The following PCDHGB7 variants were observed in gnomAD, a reference collection of about 807,000 sequenced individuals.
The protein encoded by PCDHGB7 is protocadherin gamma-B7.
A neutral mutation model predicts 61.4 loss-of-function variants in PCDHGB7; 37 were observed. The observed-to-expected ratio is 0.60, with a 90% CI of 0.46 to 0.79. The LOEUF (loss-of-function observed/expected upper bound fraction) is 0.79, where lower values mean the gene tolerates loss of function less well. Ranked by LOEUF, PCDHGB7 falls within the 30% of genes least tolerant of loss-of-function variation. The pLI, the probability that PCDHGB7 is intolerant of heterozygous loss-of-function variation, is 0.00. For synonymous variants in PCDHGB7, 464 were observed against 503.5 expected, an observed-to-expected ratio of 0.92 and a Z score of 1.05; for missense variants, 1,166 against 1,202.5, an observed-to-expected ratio of 0.97 and a Z score of 0.45.
chr5:141,484,242 A>G (rs995022030), intron 1 of PCDHGB7, among the ~76,000 whole-genome samples: 1 of 152,216 alleles, frequency 6.6e-6, no homozygotes, highest in African/African-American at 2.4e-5. Flanking sequence ...TCTGGTCCTT[A>G]GCACCTCCCA....
Position 141,491,652 on chromosome 5 carries a change from G to T in PCDHGB7, c.2416-3155G>T. ...AGCAGCCCACAGCTCTGGCGCTGGA[G>T]CCTGACGCCATCCGGTCCCGCTCTA... On this transcript the variant is annotated intron_variant, in intron 1 of 3. Transcript: ENST00000398594. The surrounding 1 kb of genome is among the most constrained non-coding windows in gnomAD (Gnocchi z 6.9). The T allele has an allele frequency of 6.2e-7, 1 of 1,613,844 alleles. No homozygotes were observed.
At position 141,485,035 on chromosome 5, in the gene PCDHGB7, AC is replaced by A; in HGVS notation, c.2416-9769del. ...CCGCCACCAGCAAAAACGGCGCGTA[AC>A]CCTTGCGGCGCCGGCCGAACCGCGC... On this transcript the variant is annotated intron_variant, in intron 1 of 3. Coordinates refer to ENST00000398594, the MANE Select transcript of PCDHGB7 (RefSeq NM_018927.4). The surrounding 1 kb of genome is among the most constrained non-coding windows in gnomAD (Gnocchi z 5.7). 1.4e-6 allele frequency: 1 copy of A among 694,388 alleles called. No homozygotes were observed. Among genetic ancestry groups the A allele is most frequent in the East Asian group, 2.6e-5 (1 of 38,852 alleles). The allele number at this position is 694,388 out of a possible 1,614,324, so 43.0% of individuals were successfully genotyped here.
chr5:141,465,893 C>T (rs926928579), intron 1 of PCDHGB7, among the ~76,000 whole-genome samples: 23 of 152,078 alleles, frequency 1.5e-4, no homozygotes, highest in Middle Eastern at 3.4e-3. Context: ...GAGGCCGAGG[C>T]GGGCAAATCA....
intron 1 of PCDHGB7, among the ~76,000 whole-genome samples, chr5:141,456,101 G>A (rs1231843666): frequency 6.6e-6 from 1 of 151,970 alleles, no homozygotes; most frequent in African/African-American, 2.4e-5. Context: ...ATTTCACCGT[G>A]TTAGCCAGGA....
At chr5:141,433,391 CTA>C (rs1477426085) in intron 1 of PCDHGB7, among the ~76,000 whole-genome samples, 3 of 151,570 alleles carry the variant, frequency 2.0e-5, no homozygotes, top group African/African-American at 7.3e-5. Context: ...ATCTATCTAT[CTA>C]TCTATCTATC....
chr5:141,506,447 A>G (rs1405495926), intron 3 of PCDHGB7, among the ~76,000 whole-genome samples: 3 of 146,906 alleles, frequency 2.0e-5, no homozygotes, highest in Non-Finnish European at 3.0e-5. Flanking sequence ...TCTGTCTCAA[A>G]AAAAAAAAAA....
chr5:141,470,986 G>T (rs1215610104), intron 1 of PCDHGB7, among the ~76,000 whole-genome samples: 1 of 151,540 alleles, frequency 6.6e-6, no homozygotes, highest in Non-Finnish European at 1.5e-5. Flanking sequence ...CAAAGTGCTG[G>T]GACTACAGGC....
chr5:141,455,494 T>C (rs1223531150), intron 1 of PCDHGB7, among the ~76,000 whole-genome samples: 2 of 152,214 alleles, frequency 1.3e-5, no homozygotes, highest in African/African-American at 4.8e-5. Context: ...AGGTGATGTC[T>C]GATTTGCATA....
chr5:141,494,778 CA>C (rs1228639033), intron 1 of PCDHGB7, 28 bp from the exon 2 acceptor site: 1 of 1,614,086 alleles, frequency 6.2e-7, no homozygotes, highest in Admixed American at 1.7e-5. Flanking sequence ...CACGGGTACT[CA>C]GCCCCTTTCC....
Position 141,489,629 on chromosome 5 carries a change from C to G in PCDHGB7, c.2416-5178C>G. 6.2e-7 allele frequency: 1 copy of G among 1,614,142 alleles called. No individual in the cohort carries two copies. The highest frequency in any genetic ancestry group is 8.5e-7 in the Non-Finnish European group (1 of 1,180,014). On this transcript the variant is annotated intron_variant, in intron 1 of 3. Coordinates refer to ENST00000398594, the MANE Select transcript of PCDHGB7 (RefSeq NM_018927.4). The surrounding 1 kb of genome is among the most constrained non-coding windows in gnomAD (Gnocchi z 4.5). Reference sequence around the variant, plus strand: ...GAGATCCTGGATCTCAATGACAACTCTCCTAGCTTTGCCACCCCTGAGCGA... The same window carrying G: ...GAGATCCTGGATCTCAATGACAACTGTCCTAGCTTTGCCACCCCTGAGCGA...
intron 1 of PCDHGB7, among the ~76,000 whole-genome samples, chr5:141,462,203 G>A (rs544238255): frequency 2.6e-5 from 4 of 152,036 alleles, no homozygotes; most frequent in East Asian, 1.9e-4. Flanking sequence ...CAGGTGATCC[G>A]CCTGCCTCGG....
chr5:141,424,699 G>A (rs185769714), intron 1 of PCDHGB7: 222 of 152,060 alleles, frequency 1.5e-3, no homozygotes, highest in African/African-American at 5.2e-3. Flanking sequence ...CTATTTTTTT[G>A]TTCATTTTCA....
chr5:141,507,495 G>A (rs375483743), intron 3 of PCDHGB7, among the ~76,000 whole-genome samples: 5 of 152,352 alleles, frequency 3.3e-5, no homozygotes, highest in East Asian at 3.9e-4. Flanking sequence ...AGGCAGAGCT[G>A]TCCCAGGTCT....
intron 1 of PCDHGB7, among the ~76,000 whole-genome samples, chr5:141,479,998 G>A (rs2099511091): frequency 6.6e-6 from 1 of 152,272 alleles, no homozygotes; most frequent in South Asian, 2.1e-4. Flanking sequence ...AGGAGTCTGT[G>A]GCCAAGTTAC....
At chr5:141,484,877 G>T in intron 1 of PCDHGB7, 1 of 338,660 alleles carries the variant, frequency 3.0e-6, no homozygotes, top group Non-Finnish European at 5.4e-6. Context: ...GTGGAGGATA[G>T]GGTGGGCTTT....
At chr5:141,436,691 A>G (rs2097840863) in intron 1 of PCDHGB7, among the ~76,000 whole-genome samples, 1 of 152,226 alleles carries the variant, frequency 6.6e-6, no homozygotes, top group Admixed American at 6.5e-5. Context: ...TATATTTTCA[A>G]TGCCAGCACA....
At position 141,491,587 on chromosome 5, in the gene PCDHGB7, G is replaced by A. The variant is rs1177701526; in HGVS notation, c.2416-3220G>A. 1.2e-6 allele frequency: 2 copies of A among 1,613,834 alleles called. No individual in the cohort carries two copies. Among genetic ancestry groups the A allele is most frequent in the African/African-American group, 2.7e-5 (2 of 74,926 alleles). On this transcript the variant is annotated intron_variant, in intron 1 of 3. Coordinates refer to ENST00000398594, the MANE Select transcript of PCDHGB7 (RefSeq NM_018927.4). The surrounding 1 kb of genome is among the most constrained non-coding windows in gnomAD (Gnocchi z 6.9). ...CAGGACGTGCTTTTCACCGGCCTCG[G>A]ACGGCAGTGACTTCACTTTTCTAAG...
chr5:141,505,078 C>G (rs535590642), intron 2 of PCDHGB7, among the ~76,000 whole-genome samples: 81 of 152,298 alleles, frequency 5.3e-4, no homozygotes, highest in African/African-American at 2.0e-3. Flanking sequence ...AGGAGAATCG[C>G]TTGAACCCAG....
At position 141,432,851 on chromosome 5, in the gene PCDHGB7, G is replaced by T. The variant is rs561153330; in HGVS notation, c.2415+12577G>T. 8 of 1,614,198 alleles carry T rather than the reference G, an allele frequency of 5.0e-6. No homozygotes were observed. In the African/African-American group the frequency reaches 9.3e-5, roughly 19 times the overall value. ...CACTCTGTACCTGGTGGTAGCGGTG[G>T]CCGCGGTCTCCTGCGTCTTCCTGGC... On this transcript the variant is annotated intron_variant, in intron 1 of 3. Transcript: ENST00000398594. This position sits in a 1 kb window ranked among gnomAD's most constrained non-coding sequence, Gnocchi z 6.0.
Sources: allele counts gnomAD v4.1 joint callset (sites outside exome capture counted in the v4.1 genomes callset), GRCh38; gene constraint gnomAD v4.1.1; non-coding constraint Gnocchi (gnomAD v3.1); transcripts MANE v1.5; gene names NCBI Gene and HGNC (gene_info 2026-07-23, HGNC 2026-07-21).